WNK1: variants seen among roughly 807,000 people sequenced by gnomAD.
The protein encoded by WNK1 is serine/threonine-protein kinase WNK1.
Under a neutral mutation model 222.8 loss-of-function variants are expected in WNK1, and 38 were observed. That is an observed-to-expected ratio of 0.17 (90% CI 0.13 to 0.22). WNK1 has a LOEUF of 0.22. WNK1 is among the 10% of genes least tolerant of loss of function. The pLI is 1.00. For synonymous variants in WNK1, 1,090 were observed against 1,092.9 expected (o/e 1.00, Z 0.05); for missense variants, 2,348 against 2,918.4 (o/e 0.80, Z 4.50).
intron 22 of WNK1, 77 bp from the exon 23 acceptor site, chr12:894,485 T>C: frequency 8.0e-7 from 1 of 1,254,542 alleles, no homozygotes; most frequent in East Asian, 2.3e-5. Context: ...TTGATTTTGC[T>C]GTATTTCTAG....
intron 12 of WNK1, chr12:881,381 T>C: frequency 2.2e-6 from 1 of 463,374 alleles, no homozygotes; most frequent in South Asian, 2.1e-5. Context: ...ATCTTTGTAC[T>C]ATGCTCTGTC....
In WNK1 at chr12:862,247, G is replaced by C. The variant is rs764390006; in HGVS notation, c.2116G>C (p.Gly706Arg). 4 of 1,613,944 alleles carry C rather than the reference G, an allele frequency of 2.5e-6. No homozygotes were observed. The African/African-American group carries it at 5.3e-5, about 22-fold the overall frequency. The change falls in exon 8 of 28, where the codon GGG becomes CGG. Residue 706 changes from glycine (G) to arginine (R), a missense_variant. Transcript: ENST00000315939. ...STVQAQSQPH[G>R]VYPPSSVAQG... ...TGTCCAAGCACAGTCTCAGCCCCAT[G>C]GGGTATATCCACCCTCAAGTGTGGT... is the stretch of plus-strand genomic sequence containing the variant.
rs1471274454 is a variant in WNK1, at chr12:897,586, C to T, written c.6353C>T (p.Ala2118Val). The T allele has an allele frequency of 2.5e-6, 4 of 1,614,148 alleles. No individual in the cohort carries two copies. The highest frequency in any genetic ancestry group is 3.4e-6 in the Non-Finnish European group (4 of 1,180,002). The change falls in exon 25 of 28, where the codon GCT (alanine) becomes GTT (valine). Residue 2118 changes from alanine (A) to valine (V), a missense_variant. Physicochemically the swap from Ala to Val is moderately conservative, Grantham distance 64. Transcript: ENST00000315939. ...VPPAVIIPPA[A>V]PLSGRRRRPT... is the part of the protein sequence containing the mutation. ...CCTGCTGTTATTATTCCCCCAGCTG[C>T]TCCCCTTTCAGGGAGAAGACGACGA...
intron 22 of WNK1, among the ~76,000 whole-genome samples, chr12:892,361 A>G (rs536779671): frequency 2.0e-5 from 3 of 152,308 alleles, no homozygotes; most frequent in African/African-American, 4.8e-5. Flanking sequence ...ACAAGTAGCA[A>G]TGGACAATAC....
intron 1 of WNK1, among the ~76,000 whole-genome samples, chr12:785,638 C>T (rs56184635): frequency 0.01 from 1,542 of 152,178 alleles, 9 homozygotes; most frequent in Non-Finnish European, 0.016. Context: ...ACCTCGTGAT[C>T]CACCCGCCTC....
In WNK1 at chr12:880,648, TGC is replaced by T; in HGVS notation, c.2833-72_2833-71del. Reference sequence around the variant, plus strand: ...GCTGTGTGCTTCTTTTTTTTTTTTTTGCATGTCTTGCTGTTTTGCTAATTTAT... The same window carrying T: ...GCTGTGTGCTTCTTTTTTTTTTTTTTATGTCTTGCTGTTTTGCTAATTTAT... On this transcript the variant is annotated intron_variant, in intron 11 of 27. Transcript: ENST00000315939. 3.6e-6 allele frequency: 5 copies of T among 1,385,004 alleles called. No individual in the cohort carries two copies. In the Admixed American group the frequency reaches 7.6e-5, roughly 21 times the overall value. 85.8% of individuals were successfully genotyped at this position (1,385,004 alleles called of 1,614,324 possible).
chr12:753,548 C>A lies in WNK1; in HGVS notation c.-18C>A. The A allele has an allele frequency of 6.2e-7, 1 of 1,611,924 alleles. No individual in the cohort carries two copies. The highest frequency in any genetic ancestry group is 1.1e-5 in the South Asian group (1 of 91,048). ...TTCACGAATCCGAGCCCGCTCGCCT[C>A]TCTCCAGCGAACCGACCATGTCTGG... is the stretch of plus-strand genomic sequence containing the variant. On this transcript the variant is annotated 5_prime_UTR_variant, in exon 1 of 28. Transcript: ENST00000315939. This position sits in a 1 kb window ranked among gnomAD's most constrained non-coding sequence, Gnocchi z 5.2.
In WNK1 at chr12:911,352, G is replaced by C. The variant is rs1045146315; in HGVS notation, c.*2560G>C. 18 of 398,296 alleles carry C rather than the reference G, an allele frequency of 4.5e-5. No individual in the cohort carries two copies. The highest frequency in any genetic ancestry group is 7.1e-5 in the Non-Finnish European group (16 of 226,060). The allele number at this position is 398,296 out of a possible 1,614,324, so 24.7% of individuals were successfully genotyped here. ...ATTGTACATTTTGCACTAACTCTGG[G>C]TGTTGCGCTTCTTGTAAGATTGCGC... On this transcript the variant is annotated 3_prime_UTR_variant, in exon 28 of 28. Transcript: ENST00000315939.
intron 2 of WNK1, among the ~76,000 whole-genome samples, chr12:822,324 C>T (rs1292916232): frequency 6.6e-6 from 1 of 152,054 alleles, no homozygotes; most frequent in Non-Finnish European, 1.5e-5. Flanking sequence ...AAACTCCTGA[C>T]CTTGTGGTCC....
At chr12:894,532 A>G (rs1565600235) in intron 22 of WNK1, 30 bp from the exon 23 acceptor site, 1 of 1,582,906 alleles carries the variant, frequency 6.3e-7, no homozygotes. Flanking sequence ...GGAGACACTT[A>G]TGTTTTCCTC....
At chr12:816,375 T>C (rs1482326162) in intron 2 of WNK1, among the ~76,000 whole-genome samples, 1 of 152,030 alleles carries the variant, frequency 6.6e-6, no homozygotes, top group Admixed American at 6.6e-5. Context: ...GCTCAGGGAA[T>C]CCTTCCACCT....
chr12:843,823 T>G (rs2154046516), intron 4 of WNK1, among the ~76,000 whole-genome samples: 1 of 152,326 alleles, frequency 6.6e-6, no homozygotes, highest in East Asian at 1.9e-4. Context: ...TGTTAAAATC[T>G]GCATTTTACA....
At position 862,278 on chromosome 12, in the gene WNK1, A is replaced by G. The variant is rs1046679146; in HGVS notation, c.2139+8A>G. On this transcript the variant is annotated splice_region_variant and intron_variant, in intron 8 of 27. Transcript: ENST00000315939. ...TATCCACCCTCAAGTGTGGTAAGTA[A>G]ATGCTTAAGAGCATGTAATACTACA... 1 of 1,613,890 alleles carries G rather than the reference A, an allele frequency of 6.2e-7. No homozygotes were observed. The highest frequency in any genetic ancestry group is 8.5e-7 in the Non-Finnish European group (1 of 1,179,806).
chr12:769,975 T>G (rs1339584026), intron 1 of WNK1, among the ~76,000 whole-genome samples: 2 of 151,612 alleles, frequency 1.3e-5, no homozygotes, highest in African/African-American at 4.8e-5. Flanking sequence ...TGCATAAGTT[T>G]CTTTTTTTTT....
At chr12:893,033 T>C (rs1954402917) in intron 22 of WNK1, among the ~76,000 whole-genome samples, 1 of 152,136 alleles carries the variant, frequency 6.6e-6, no homozygotes, top group Admixed American at 6.5e-5. Context: ...AGCAGGTGGA[T>C]TGCTTGAGCC....
chr12:822,137 A>G (rs1389556857), intron 2 of WNK1, among the ~76,000 whole-genome samples: 1 of 113,754 alleles, frequency 8.8e-6, no homozygotes, highest in Non-Finnish European at 1.6e-5. Flanking sequence ...TCTGTTGCCC[A>G]GACTGGAGTG....
intron 8 of WNK1, among the ~76,000 whole-genome samples, chr12:869,981 TAC>T (rs1952003406): frequency 6.6e-6 from 1 of 152,182 alleles, no homozygotes; most frequent in South Asian, 2.1e-4. Flanking sequence ...AATTCAAAAG[TAC>T]AGTCAGTGTT....
At chr12:881,185 T>C (rs1953123531) in intron 12 of WNK1, among the ~76,000 whole-genome samples, 186 bp downstream of exon 12, 1 of 152,234 alleles carries the variant, frequency 6.6e-6, no homozygotes, top group Non-Finnish European at 1.5e-5. Flanking sequence ...TTCCACTGGC[T>C]GTTCTGTTGG....
At chr12:865,571 C>G (rs1435866314) in intron 8 of WNK1, among the ~76,000 whole-genome samples, 1 of 152,128 alleles carries the variant, frequency 6.6e-6, no homozygotes, top group Non-Finnish European at 1.5e-5. Flanking sequence ...GAGAGAATAC[C>G]TATAATGTCC....
Sources: gnomAD v4.1 joint callset for allele counts (sites outside exome capture counted in the v4.1 genomes callset) on GRCh38, gnomAD v4.1.1 for gene constraint, Gnocchi (gnomAD v3.1) non-coding constraint, MANE v1.5 for transcripts, NCBI Gene and HGNC (gene_info 2026-07-23, HGNC 2026-07-21) for gene names.